POSTN: variants seen among roughly 807,000 people sequenced by gnomAD.
POSTN encodes the protein osteoblast specific factor 2 (fasciclin I-like).
In POSTN, 71 loss-of-function variants were observed where a neutral mutation model predicts 104.5. The ratio of observed to expected loss-of-function variants is 0.68; its 90% CI spans 0.56 to 0.83. POSTN has a LOEUF of 0.83. Ranked by LOEUF, POSTN falls within the 40% of genes least tolerant of loss-of-function variation. The pLI is 0.00. For synonymous variants in POSTN, 355 were observed against 340.7 expected (o/e 1.04, Z -0.46); for missense variants, 949 against 1,006.8 (o/e 0.94, Z 0.78).
chr13:37,569,212 A>T (rs1950194293), intron 21 of POSTN, 88 bp downstream of exon 21: 1 of 924,120 alleles, frequency 1.1e-6, no homozygotes, highest in African/African-American at 1.7e-5. Context: ...ACCCAATTAA[A>T]AGAAAAAATC....
At position 37,579,429 on chromosome 13, in the gene POSTN, C is replaced by T. The variant is rs990444258; in HGVS notation, c.1661-70G>A. The T allele has an allele frequency of 2.2e-5, 26 of 1,208,630 alleles. No individual in the cohort carries two copies. In the African/African-American group the frequency reaches 2.5e-4, roughly 11 times the overall value. 74.9% of individuals were successfully genotyped at this position (1,208,630 alleles called of 1,614,324 possible). ...TTGATAAGGACTAAGAAACAAAACA[C>T]TTATTAGTCTTTATCTTTTTCCATA... On this transcript the variant is annotated intron_variant, in intron 12 of 22. Transcript: ENST00000379747.
rs745786007 is a variant in POSTN at position 37,590,384 on chromosome 13, G to T, written c.429C>A (p.Asp143Glu). ...AATAATGAATTACAGAATCCAAGTTGTCCCAAGCCTCATTACTCGGTGCAA... is the reference window on the plus strand; with the variant it reads ...AATAATGAATTACAGAATCCAAGTTTTCCCAAGCCTCATTACTCGGTGCAA... Reference protein sequence around the residue: ...TYFAPSNEAWDNLDSDIRRGL... With the variant: ...TYFAPSNEAWENLDSDIRRGL... The change falls in exon 4 of 23, where the codon GAC becomes GAA. Residue 143 changes from aspartate (D) to glutamate (E), a missense_variant. By Grantham distance (45) the Asp-to-Glu change is conservative. Coordinates refer to ENST00000379747, the MANE Select transcript of POSTN (RefSeq NM_006475.3). The T allele has an allele frequency of 6.3e-7, 1 of 1,577,026 alleles. No homozygotes were observed. Among genetic ancestry groups the T allele is most frequent in the Non-Finnish European group, 8.6e-7 (1 of 1,159,806 alleles).
chr13:37,590,573 C>G (rs777693686), intron 3 of POSTN, 44 bp from the exon 4 acceptor site: 2 of 1,464,058 alleles, frequency 1.4e-6, no homozygotes, highest in Non-Finnish European at 1.8e-6. Flanking sequence ...ATAATATTCT[C>G]AGGATATTAT....
intron 3 of POSTN, among the ~76,000 whole-genome samples, chr13:37,590,845 T>C (rs1261781759): frequency 6.6e-6 from 1 of 152,178 alleles, no homozygotes; most frequent in African/African-American, 2.4e-5. Flanking sequence ...CAATATTATC[T>C]GTTATTTAAA....
rs1555238290 is a variant in POSTN, at chr13:37,579,895, C to T, written c.1626G>A (p.Lys542=). ...TTTCTTTTTCTTCACTAGTCATTCC[C>T]TTAAAAGCATCATTGGTTGGCACAA... is the stretch of plus-strand genomic sequence containing the variant. ...TLFVPTNDAF[K]GMTSEEKEIL... The change falls in exon 12 of 23, where the codon AAG becomes AAA. Residue 542 remains lysine (K), a synonymous_variant. Transcript: ENST00000379747. 2 of 1,613,646 alleles carry T rather than the reference C, an allele frequency of 1.2e-6. No individual in the cohort carries two copies. The highest frequency in any genetic ancestry group is 2.2e-5 in the South Asian group (2 of 91,018).
intron 17 of POSTN, among the ~76,000 whole-genome samples, chr13:37,572,223 C>CT (rs1950279721): frequency 6.6e-6 from 1 of 151,596 alleles, no homozygotes; most frequent in African/African-American, 2.4e-5. Context: ...GTACATTTAA[C>CT]TCATACTGTA....
At chr13:37,584,436 C>G (rs1033645472) in intron 8 of POSTN, among the ~76,000 whole-genome samples, 5 of 152,102 alleles carry the variant, frequency 3.3e-5, no homozygotes, top group Non-Finnish European at 7.4e-5. Flanking sequence ...TTGGTTAGAT[C>G]TTTCCTTCTC....
At chr13:37,581,933 G>A (rs1950601550) in intron 10 of POSTN, among the ~76,000 whole-genome samples, 1 of 152,158 alleles carries the variant, frequency 6.6e-6, no homozygotes, top group Admixed American at 6.5e-5. Flanking sequence ...CTAACACATT[G>A]TATGTGTAGT....
At chr13:37,596,923 C>A (rs773597343) in intron 2 of POSTN, among the ~76,000 whole-genome samples, 1 of 152,160 alleles carries the variant, frequency 6.6e-6, no homozygotes, top group Non-Finnish European at 1.5e-5. Context: ...GGATTCTATA[C>A]CCAATCCTGA....
Position 37,582,421 on chromosome 13 carries a change from C to T in POSTN, c.1337G>A (p.Gly446Glu). The change falls in exon 10 of 23, where the codon GGG becomes GAG. Residue 446 changes from glycine to glutamate, a missense_variant. By Grantham distance (98) the Gly-to-Glu change is moderately conservative (BLOSUM62 -2). Coordinates refer to ENST00000379747, the MANE Select transcript of POSTN (RefSeq NM_006475.3). Reference protein sequence around the residue: ...VKVGLNELYNGQILETIGGKQ... With the variant: ...VKVGLNELYNEQILETIGGKQ... ...GCCTCCGATGGTTTCCAGTATTTGC[C>T]CGTTGTAAAGCTCATTAAGGCCAAC... 6.2e-7 allele frequency: 1 copy of T among 1,613,850 alleles called. No individual in the cohort carries two copies. The highest frequency in any genetic ancestry group is 8.5e-7 in the Non-Finnish European group (1 of 1,179,902).
chr13:37,572,951 A>T (rs1950299900), intron 17 of POSTN, among the ~76,000 whole-genome samples: 1 of 151,612 alleles, frequency 6.6e-6, no homozygotes, highest in African/African-American at 2.4e-5. Context: ...AACTCAAGTT[A>T]TTAATGAGTA....
intron 16 of POSTN, 143 bp downstream of exon 16, chr13:37,577,610 C>T: frequency 2.2e-6 from 3 of 1,357,578 alleles, no homozygotes; most frequent in East Asian, 2.7e-5. Flanking sequence ...GACCTCAATC[C>T]TTTTTTCAAG....
At chr13:37,586,392 T>TTG in intron 6 of POSTN, 112 bp from the exon 7 acceptor site, 1 of 1,134,642 alleles carries the variant, frequency 8.8e-7, no homozygotes, top group Non-Finnish European at 1.2e-6. Flanking sequence ...CTATAGAGGT[T>TTG]TGTTGTTGTT....
At position 37,587,825 on chromosome 13, in the gene POSTN, A is replaced by G. The variant is rs142553408; in HGVS notation, c.603T>C (p.Asn201=). Residue 201 remains asparagine, a synonymous_variant, in exon 5 of 23, where the codon AAT becomes AAC. Transcript: ENST00000379747. ...NLGLFINHYP[N]GVVTVNCARI... is the part of the protein sequence containing the mutation. ...ACTTTTTACTGATAAAACTTACCCCATTAGGATAATGGTTAATGAAAAGCC... is the reference window on the plus strand; with the variant it reads ...ACTTTTTACTGATAAAACTTACCCCGTTAGGATAATGGTTAATGAAAAGCC... The G allele has an allele frequency of 4.3e-5, 69 of 1,586,772 alleles. No individual in the cohort carries two copies. In the African/African-American group the frequency reaches 7.7e-4, roughly 18 times the overall value.
At chr13:37,593,864 G>A (rs1348313419) in intron 2 of POSTN, among the ~76,000 whole-genome samples, 1 of 151,504 alleles carries the variant, frequency 6.6e-6, no homozygotes, top group African/African-American at 2.4e-5. Context: ...TAATTATCTA[G>A]GATTTGTAGT....
chr13:37,595,464 A>C (rs2138406937), intron 2 of POSTN, among the ~76,000 whole-genome samples: 1 of 152,292 alleles, frequency 6.6e-6, no homozygotes, highest in South Asian at 2.1e-4. Context: ...TAAGCCAATG[A>C]GCAGGAGATG....
intron 1 of POSTN, among the ~76,000 whole-genome samples, chr13:37,598,226 C>A (rs901128537): frequency 1.3e-5 from 2 of 151,980 alleles, no homozygotes; most frequent in African/African-American, 4.8e-5. Flanking sequence ...TATTTCAATG[C>A]TGTTTGCATA....
chr13:37,590,602 T>C, intron 3 of POSTN, 73 bp from the exon 4 acceptor site: 1 of 1,275,048 alleles, frequency 7.8e-7, no homozygotes, highest in Non-Finnish European at 1.1e-6. Context: ...ATTTAAACTT[T>C]ATGCTGTGTT....
chr13:37,590,078 C>G (rs1196312678), intron 4 of POSTN, among the ~76,000 whole-genome samples: 2 of 152,002 alleles, frequency 1.3e-5, no homozygotes, highest in Non-Finnish European at 2.9e-5. Context: ...CATACATATC[C>G]TCACAAACAA....
Sources: gnomAD v4.1 joint callset for allele counts (sites outside exome capture counted in the v4.1 genomes callset) on GRCh38, gnomAD v4.1.1 for gene constraint, MANE v1.5 for transcripts, NCBI Gene and HGNC (gene_info 2026-07-23, HGNC 2026-07-21) for gene names.